AGPAT4: variants seen among roughly 807,000 people sequenced by gnomAD.
AGPAT4 encodes the protein 1-acylglycerol-3-phosphate O-acyltransferase 4.
AGPAT4 carries 15 observed loss-of-function variants against 48.0 expected under a neutral mutation model. The ratio of observed to expected loss-of-function variants is 0.31; its 90% CI spans 0.21 to 0.48. The LOEUF (loss-of-function observed/expected upper bound fraction) is 0.48, where lower values mean the gene tolerates loss of function less well. Ranked by LOEUF, AGPAT4 falls within the 20% of genes least tolerant of loss-of-function variation. The pLI, the probability that AGPAT4 is intolerant of heterozygous loss-of-function variation, is 0.99. For missense variants in AGPAT4, 314 were observed against 482.5 expected, an observed-to-expected ratio of 0.65 and a Z score of 3.27; for synonymous variants, 178 against 198.7, an observed-to-expected ratio of 0.90 and a Z score of 0.88.
rs569058047 is a variant in AGPAT4, at chr6:161,222,883, G to T, written c.178+9153C>A. Among the ~76,000 whole-genome samples the T allele has an allele frequency of 7.2e-5, 11 of 152,122 alleles. No individual in the cohort carries two copies. The highest frequency in any genetic ancestry group is 1.3e-4 in the Non-Finnish European group (9 of 68,028). Reference sequence around the variant, plus strand: ...CATTTGATAGGTCCATCTCCTTCGGGTGCCTGGCTGCCTGAATAAACCCAT... The same window carrying T: ...CATTTGATAGGTCCATCTCCTTCGGTTGCCTGGCTGCCTGAATAAACCCAT... On this transcript the variant is annotated intron_variant, in intron 2 of 8. Transcript: ENST00000320285. This position sits in a 1 kb window ranked among gnomAD's most constrained non-coding sequence, Gnocchi z 5.9.
chr6:161,186,414 T>A (rs1169144984), intron 2 of AGPAT4, among the ~76,000 whole-genome samples: 1 of 152,116 alleles, frequency 6.6e-6, no homozygotes, highest in Non-Finnish European at 1.5e-5. Flanking sequence ...TTAGAGCAAC[T>A]CGTGTTCCTG....
Position 161,242,326 on chromosome 6 carries a change from T to A in AGPAT4, c.-89-10024A>T, listed in dbSNP as rs1782516102. ...AGACAAGAAGCCCAACATGATAGACTTCATGAACTTCAGCCTTCCGGGACG... is the reference window on the plus strand; with the variant it reads ...AGACAAGAAGCCCAACATGATAGACATCATGAACTTCAGCCTTCCGGGACG... On this transcript the variant is annotated intron_variant, in intron 1 of 8. Coordinates refer to ENST00000320285, the MANE Select transcript of AGPAT4 (RefSeq NM_020133.3). This position sits in a 1 kb window ranked among gnomAD's most constrained non-coding sequence, Gnocchi z 5.0. 6.6e-6 allele frequency among the ~76,000 whole-genome samples: 1 copy of A among 152,202 alleles called. No homozygotes were observed. The highest frequency in any genetic ancestry group is 6.5e-5 in the Admixed American group (1 of 15,286).
rs961145723 is a variant in AGPAT4 at position 161,223,000 on chromosome 6, C to T, written c.178+9036G>A. Reference sequence around the variant, plus strand: ...TCTCACAATTCCCCTCATTCCTCAGCACCTGGCTTGTGATGCTGCTTCACG... The same window carrying T: ...TCTCACAATTCCCCTCATTCCTCAGTACCTGGCTTGTGATGCTGCTTCACG... On this transcript the variant is annotated intron_variant, in intron 2 of 8. Coordinates refer to ENST00000320285, the MANE Select transcript of AGPAT4 (RefSeq NM_020133.3). The surrounding 1 kb of genome is among the most constrained non-coding windows in gnomAD (Gnocchi z 5.9). 6.6e-6 allele frequency among the ~76,000 whole-genome samples: 1 copy of T among 152,222 alleles called. No individual in the cohort carries two copies. The highest frequency in any genetic ancestry group is 1.5e-5 in the Non-Finnish European group (1 of 68,036).
Position 161,242,533 on chromosome 6 carries a change from C to T in AGPAT4, c.-89-10231G>A, listed in dbSNP as rs80004305. On this transcript the variant is annotated intron_variant, in intron 1 of 8. Coordinates refer to ENST00000320285, the MANE Select transcript of AGPAT4 (RefSeq NM_020133.3). This position sits in a 1 kb window ranked among gnomAD's most constrained non-coding sequence, Gnocchi z 5.0. ...CCTCATGGGGCTGGAGGGTGCAGAC[C>T]TCAGAGTAGGTACACATTCTGAGGG... Among the ~76,000 whole-genome samples the T allele has an allele frequency of 8.4e-3, 1,281 of 152,224 alleles. 13 individuals carry two copies. The highest frequency in any genetic ancestry group is 0.029 in the African/African-American group (1,221 of 41,532).
rs1219929744 is a variant in AGPAT4 at position 161,229,334 on chromosome 6, A to C, written c.178+2702T>G. ...AGAAGACACAATTAAAGCCATGAAC[A>C]GTTTCTATCTTAACTCAGAGGGAAG... On this transcript the variant is annotated intron_variant, in intron 2 of 8. Coordinates refer to ENST00000320285, the MANE Select transcript of AGPAT4 (RefSeq NM_020133.3). The surrounding 1 kb of genome is among the most constrained non-coding windows in gnomAD (Gnocchi z 6.0). Among the ~76,000 whole-genome samples the C allele has an allele frequency of 1.3e-5, 2 of 152,172 alleles. No individual in the cohort carries two copies. The highest frequency in any genetic ancestry group is 4.8e-5 in the African/African-American group (2 of 41,440).
In AGPAT4 at chr6:161,234,262, G is replaced by T. The variant is rs1782205523; in HGVS notation, c.-89-1960C>A. ...TATCCAGAAGGCAGGCTGCATTCCT[G>T]CAAGATTCCTATACATTTCTGATAG... On this transcript the variant is annotated intron_variant, in intron 1 of 8. Coordinates refer to ENST00000320285, the MANE Select transcript of AGPAT4 (RefSeq NM_020133.3). The surrounding 1 kb of genome is among the most constrained non-coding windows in gnomAD (Gnocchi z 4.4). 1.3e-5 allele frequency among the ~76,000 whole-genome samples: 2 copies of T among 152,276 alleles called. No homozygotes were observed. Among genetic ancestry groups the T allele is most frequent in the Non-Finnish European group, 2.9e-5 (2 of 68,018 alleles).
In AGPAT4 at chr6:161,251,298, T is replaced by A. The variant is rs1482655283; in HGVS notation, c.-89-18996A>T. Among the ~76,000 whole-genome samples the A allele has an allele frequency of 1.3e-5, 2 of 152,242 alleles. No individual in the cohort carries two copies. The highest frequency in any genetic ancestry group is 4.8e-5 in the African/African-American group (2 of 41,464). On this transcript the variant is annotated intron_variant, in intron 1 of 8. Transcript: ENST00000320285. This position sits in a 1 kb window ranked among gnomAD's most constrained non-coding sequence, Gnocchi z 4.6. ...TCCAAGGCATTTGTTGAAAGATCCT[T>A]CTCTACCTCATTGATTCCCATGCAG... is the stretch of plus-strand genomic sequence containing the variant.
In AGPAT4 at chr6:161,206,074, C is replaced by CA. The variant is rs1562337855; in HGVS notation, c.178+25961dup. Among the ~76,000 whole-genome samples the CA allele has an allele frequency of 6.6e-6, 1 of 151,864 alleles. No individual in the cohort carries two copies. The highest frequency in any genetic ancestry group is 6.6e-5 in the Admixed American group (1 of 15,260). The stretch of plus-strand genomic sequence containing the variant: ...TTTTTTCAAGCCCGTGCGATGTAGA[C>CA]AAAAAAAGCCCCAAGAAAAGCCTGC... On this transcript the variant is annotated intron_variant, in intron 2 of 8. Coordinates refer to ENST00000320285, the MANE Select transcript of AGPAT4 (RefSeq NM_020133.3). The surrounding 1 kb of genome is among the most constrained non-coding windows in gnomAD (Gnocchi z 4.8).
At chr6:161,185,943 T>G (rs1399408631) in intron 2 of AGPAT4, among the ~76,000 whole-genome samples, 1 of 152,208 alleles carries the variant, frequency 6.6e-6, no homozygotes, top group African/African-American at 2.4e-5. Flanking sequence ...GCCACTATAT[T>G]TGAAGCGATT....
Position 161,266,400 on chromosome 6 carries a change from G to A in AGPAT4, c.-90+7538C>T, listed in dbSNP as rs555399294. Among the ~76,000 whole-genome samples the A allele has an allele frequency of 6.6e-5, 10 of 152,124 alleles. No homozygotes were observed. Among genetic ancestry groups the A allele is most frequent in the Non-Finnish European group, 1.0e-4 (7 of 68,028 alleles). On this transcript the variant is annotated intron_variant, in intron 1 of 8. Transcript: ENST00000320285. This position sits in a 1 kb window ranked among gnomAD's most constrained non-coding sequence, Gnocchi z 6.2. The stretch of plus-strand genomic sequence containing the variant: ...CTCTGCTCTATGCTACAAACGATGC[G>A]ATCATACCTCCATGCCATGAATGAG...
chr6:161,253,251 C>G (rs1335835823), intron 1 of AGPAT4, among the ~76,000 whole-genome samples: 3 of 145,740 alleles, frequency 2.1e-5, no homozygotes, highest in Non-Finnish European at 3.0e-5. Flanking sequence ...TATGATCCAA[C>G]TTTTTTTAAT....
At position 161,259,411 on chromosome 6, in the gene AGPAT4, C is replaced by A. The variant is rs17628112; in HGVS notation, c.-90+14527G>T. Among the ~76,000 whole-genome samples the A allele has an allele frequency of 6.6e-6, 1 of 152,034 alleles. No homozygotes were observed. The highest frequency in any genetic ancestry group is 2.4e-5 in the African/African-American group (1 of 41,424). ...ACCTTGGCTGTCCGCAGCGCGTATG[C>A]TTTGAGTTGCTGGTGATCACGGACT... On this transcript the variant is annotated intron_variant, in intron 1 of 8. Transcript: ENST00000320285. The surrounding 1 kb of genome is among the most constrained non-coding windows in gnomAD (Gnocchi z 4.9).
In AGPAT4 at chr6:161,202,219, G is replaced by T. The variant is rs1781256053; in HGVS notation, c.178+29817C>A. Among the ~76,000 whole-genome samples, 1 of 152,192 alleles carries T rather than the reference G, an allele frequency of 6.6e-6. No homozygotes were observed. Among genetic ancestry groups the T allele is most frequent in the Non-Finnish European group, 1.5e-5 (1 of 68,034 alleles). On this transcript the variant is annotated intron_variant, in intron 2 of 8. Coordinates refer to ENST00000320285, the MANE Select transcript of AGPAT4 (RefSeq NM_020133.3). The surrounding 1 kb of genome is among the most constrained non-coding windows in gnomAD (Gnocchi z 5.4). The stretch of plus-strand genomic sequence containing the variant: ...AATTCAGGACTGACATGGCTGAGTG[G>T]TTCTGGCTTGGGGTCTCTGGGGATG...
rs1278370554 is a variant in AGPAT4, at chr6:161,139,931, C to A, written c.844-311G>T. On this transcript the variant is annotated intron_variant, in intron 7 of 8. Coordinates refer to ENST00000320285, the MANE Select transcript of AGPAT4 (RefSeq NM_020133.3). The surrounding 1 kb of genome is among the most constrained non-coding windows in gnomAD (Gnocchi z 9.1). Reference sequence around the variant, plus strand: ...CTAGGATCCACCCTCTGTGGGCAGGCACCTGCATCCCTGAGCCCAGGCCCC... The same window carrying A: ...CTAGGATCCACCCTCTGTGGGCAGGAACCTGCATCCCTGAGCCCAGGCCCC... Among the ~76,000 whole-genome samples, 1 of 152,242 alleles carries A rather than the reference C, an allele frequency of 6.6e-6. No individual in the cohort carries two copies. Among genetic ancestry groups the A allele is most frequent in the Non-Finnish European group, 1.5e-5 (1 of 68,038 alleles).
chr6:161,255,946 CAG>C lies in AGPAT4; in HGVS notation c.-90+17990_-90+17991del, dbSNP rs1442034222. On this transcript the variant is annotated intron_variant, in intron 1 of 8. Coordinates refer to ENST00000320285, the MANE Select transcript of AGPAT4 (RefSeq NM_020133.3). This position sits in a 1 kb window ranked among gnomAD's most constrained non-coding sequence, Gnocchi z 4.7. The stretch of plus-strand genomic sequence containing the variant: ...GGCCCCACAGAAGACAAAACATAAG[CAG>C]AGTCAGCCTTCAGTCCACACAGCCA... Among the ~76,000 whole-genome samples, 1 of 152,112 alleles carries C rather than the reference CAG, an allele frequency of 6.6e-6. No homozygotes were observed. The highest frequency in any genetic ancestry group is 2.4e-5 in the African/African-American group (1 of 41,414).
chr6:161,214,440 G>C lies in AGPAT4; in HGVS notation c.178+17596C>G, dbSNP rs555890912. Among the ~76,000 whole-genome samples, 1 of 152,278 alleles carries C rather than the reference G, an allele frequency of 6.6e-6. No individual in the cohort carries two copies. Among genetic ancestry groups the C allele is most frequent in the South Asian group, 2.1e-4 (1 of 4,826 alleles). ...GCATGTGACTGTACTGAATACTGTA[G>C]GTCACTGTAACACAATGGTAACTAT... On this transcript the variant is annotated intron_variant, in intron 2 of 8. Transcript: ENST00000320285. The surrounding 1 kb of genome is among the most constrained non-coding windows in gnomAD (Gnocchi z 5.4).
At position 161,231,077 on chromosome 6, in the gene AGPAT4, T is replaced by C. The variant is rs1033318557; in HGVS notation, c.178+959A>G. On this transcript the variant is annotated intron_variant, in intron 2 of 8. Transcript: ENST00000320285. This position sits in a 1 kb window ranked among gnomAD's most constrained non-coding sequence, Gnocchi z 5.3. ...TGATCATTTTAAAGGGTATCAAAAA[T>C]ATATCAATAATTTTAGACTCTTGGC... Among the ~76,000 whole-genome samples the C allele has an allele frequency of 6.6e-6, 1 of 152,176 alleles. No homozygotes were observed. Among genetic ancestry groups the C allele is most frequent in the Non-Finnish European group, 1.5e-5 (1 of 68,032 alleles).
At position 161,147,853 on chromosome 6, in the gene AGPAT4, G is replaced by A. The variant is rs559845400; in HGVS notation, c.768-1254C>T. 2.6e-5 allele frequency among the ~76,000 whole-genome samples: 4 copies of A among 152,312 alleles called. No individual in the cohort carries two copies. The highest frequency in any genetic ancestry group is 2.1e-4 in the South Asian group (1 of 4,814). On this transcript the variant is annotated intron_variant, in intron 6 of 8. Transcript: ENST00000320285. This position sits in a 1 kb window ranked among gnomAD's most constrained non-coding sequence, Gnocchi z 4.8. ...ATCGCCCTTGATGTTTCAGTGCTTTGTACTGATGTGTGTTCAGAAACATGC... is the reference window on the plus strand; with the variant it reads ...ATCGCCCTTGATGTTTCAGTGCTTTATACTGATGTGTGTTCAGAAACATGC...
In AGPAT4 at chr6:161,229,449, A is replaced by G. The variant is rs945990110; in HGVS notation, c.178+2587T>C. On this transcript the variant is annotated intron_variant, in intron 2 of 8. Coordinates refer to ENST00000320285, the MANE Select transcript of AGPAT4 (RefSeq NM_020133.3). This position sits in a 1 kb window ranked among gnomAD's most constrained non-coding sequence, Gnocchi z 6.0. ...AAACTGTCTCCTCCTCTGGCTGATCAGTGGCCCAGCAAGGCTTCCTAAACA... is the reference window on the plus strand; with the variant it reads ...AAACTGTCTCCTCCTCTGGCTGATCGGTGGCCCAGCAAGGCTTCCTAAACA... 6.6e-6 allele frequency among the ~76,000 whole-genome samples: 1 copy of G among 152,182 alleles called. No individual in the cohort carries two copies. Among genetic ancestry groups the G allele is most frequent in the African/African-American group, 2.4e-5 (1 of 41,436 alleles).
Sources: gnomAD v4.1 joint callset for allele counts (sites outside exome capture counted in the v4.1 genomes callset) on GRCh38, gnomAD v4.1.1 for gene constraint, Gnocchi (gnomAD v3.1) non-coding constraint, MANE v1.5 for transcripts, NCBI Gene and HGNC (gene_info 2026-07-23, HGNC 2026-07-21) for gene names.